Variants in HDAC11 observed in about 807,000 individuals in gnomAD.
The protein encoded by HDAC11 is histone deacetylase 11.
In HDAC11, 23 loss-of-function variants were observed where a neutral mutation model predicts 41.1. The ratio of observed to expected loss-of-function variants is 0.56; its 90% CI spans 0.40 to 0.79. The LOEUF (loss-of-function observed/expected upper bound fraction) is 0.79, where lower values mean the gene tolerates loss of function less well. Ranked by LOEUF, HDAC11 falls within the 30% of genes least tolerant of loss-of-function variation. The pLI, the probability that HDAC11 is intolerant of heterozygous loss-of-function variation, is 0.00. For synonymous variants in HDAC11, 187 were observed against 186.6 expected (o/e 1.00, Z -0.02); for missense variants, 402 against 477.3 (o/e 0.84, Z 1.47).
chr3:13,481,892 CTT>C (rs1165228756), intron 2 of HDAC11, among the ~76,000 whole-genome samples: 1 of 152,218 alleles, frequency 6.6e-6, no homozygotes, highest in African/African-American at 2.4e-5. Flanking sequence ...TAACCTCCGC[CTT>C]TCAGGTTCAA....
At chr3:13,497,166 G>GT (rs1702138966) in intron 4 of HDAC11, among the ~76,000 whole-genome samples, 1 of 151,488 alleles carries the variant, frequency 6.6e-6, no homozygotes, top group Non-Finnish European at 1.5e-5. Context: ...CCCCTCACCA[G>GT]TTTTTTCTTT....
Position 13,498,527 on chromosome 3 carries a change from T to C in HDAC11, c.384T>C (p.Ala128=), listed in dbSNP as rs1161377141. ...TGGTIMAGKL[A]VERGWAINVG... ...TGTCTCCAAAGGCGGGGAAGCTGGC[T>C]GTGGAGCGAGGCTGGGCCATCAACG... Residue 128 remains alanine, a synonymous_variant, in exon 5 of 10, where the codon GCT becomes GCC. Coordinates refer to ENST00000295757, the MANE Select transcript of HDAC11 (RefSeq NM_024827.4). 2.5e-6 allele frequency: 4 copies of C among 1,613,746 alleles called. No homozygotes were observed. In the East Asian group the frequency reaches 6.7e-5, roughly 27 times the overall value.
intron 3 of HDAC11, among the ~76,000 whole-genome samples, 168 bp downstream of exon 3, chr3:13,483,732 G>T (rs1056955588): frequency 6.6e-6 from 1 of 152,060 alleles, no homozygotes; most frequent in African/African-American, 2.4e-5. Context: ...CCAAGAGAAG[G>T]AGAGAGGTCA....
chr3:13,481,744 C>T (rs186730712), intron 2 of HDAC11, among the ~76,000 whole-genome samples: 5 of 152,238 alleles, frequency 3.3e-5, no homozygotes, highest in Admixed American at 1.3e-4. Context: ...GCACCTCCAC[C>T]GCACCTCTCT....
chr3:13,502,093 T>C lies in HDAC11; in HGVS notation c.552+160T>C, dbSNP rs1702394058. 1.6e-6 allele frequency: 1 copy of C among 626,866 alleles called. No homozygotes were observed. The highest frequency in any genetic ancestry group is 2.7e-5 in the East Asian group (1 of 36,394). 38.8% of individuals were successfully genotyped at this position (626,866 alleles called of 1,614,324 possible). ...AATGCAGGGTCTGTCTTTGTCACTC[T>C]GTCCAGGACAGCGGGTCCTCCTCAT... On this transcript the variant is annotated intron_variant, in intron 7 of 9. Coordinates refer to ENST00000295757, the MANE Select transcript of HDAC11 (RefSeq NM_024827.4). The surrounding 1 kb of genome is among the most constrained non-coding windows in gnomAD (Gnocchi z 4.1).
At chr3:13,483,046 T>C (rs1286927672) in intron 2 of HDAC11, among the ~76,000 whole-genome samples, 1 of 143,478 alleles carries the variant, frequency 7.0e-6, no homozygotes, top group Non-Finnish European at 1.5e-5. Flanking sequence ...CCACCACACC[T>C]GGCCAAGACC....
intron 7 of HDAC11, 36 bp downstream of exon 7, chr3:13,501,969 C>T (rs367687725): frequency 6.4e-7 from 1 of 1,571,118 alleles, no homozygotes; most frequent in Non-Finnish European, 8.8e-7. Flanking sequence ...CTTAGGGGAC[C>T]TGCCACCCCC....
chr3:13,490,744 C>CTTT (rs59531656), intron 3 of HDAC11, among the ~76,000 whole-genome samples: 8 of 41,404 alleles, frequency 1.9e-4, no homozygotes, highest in South Asian at 1.2e-3. Context: ...GCATTTTTTT[C>CTTT]TTTTTTTTTT....
At chr3:13,485,227 G>T (rs551455858) in intron 3 of HDAC11, among the ~76,000 whole-genome samples, 89 of 152,366 alleles carry the variant, frequency 5.8e-4, no homozygotes, top group Non-Finnish European at 1.0e-3. Flanking sequence ...ATTCTAGATA[G>T]GGCCACGACA....
At chr3:13,487,903 C>A (rs1002554818) in intron 3 of HDAC11, among the ~76,000 whole-genome samples, 1 of 151,650 alleles carries the variant, frequency 6.6e-6, no homozygotes, top group East Asian at 1.9e-4. Context: ...GAAGGGACAG[C>A]AGAAAAGGGG....
At chr3:13,481,109 T>A in intron 1 of HDAC11, 137 bp from the exon 2 acceptor site, 1 of 893,388 alleles carries the variant, frequency 1.1e-6, no homozygotes, top group Admixed American at 2.9e-5. Context: ...GCAGCTGTTG[T>A]TGAGGGGCCC....
At chr3:13,488,537 T>A (rs1701701343) in intron 3 of HDAC11, among the ~76,000 whole-genome samples, 1 of 152,268 alleles carries the variant, frequency 6.6e-6, no homozygotes, top group Non-Finnish European at 1.5e-5. Context: ...CTTTTGTGTC[T>A]GGCTTATCTC....
chr3:13,496,894 C>T (rs780418093), intron 4 of HDAC11, 42 bp downstream of exon 4: 4 of 1,160,720 alleles, frequency 3.4e-6, no homozygotes, highest in Admixed American at 2.5e-5. Flanking sequence ...GGGGCCCCCA[C>T]ACCCCAGGGT....
chr3:13,483,934 T>C (rs1252252496), intron 3 of HDAC11, among the ~76,000 whole-genome samples: 1 of 151,986 alleles, frequency 6.6e-6, no homozygotes, highest in Non-Finnish European at 1.5e-5. Context: ...TTGGTCTATT[T>C]TGTTTGTTTG....
Position 13,496,868 on chromosome 3 carries a change from G to T in HDAC11, c.369+16G>T, listed in dbSNP as rs753794813. The T allele has an allele frequency of 7.1e-7, 1 of 1,412,962 alleles. No homozygotes were observed. Among genetic ancestry groups the T allele is most frequent in the South Asian group, 1.2e-5 (1 of 80,460 alleles). The allele number at this position is 1,412,962 out of a possible 1,614,324, so 87.5% of individuals were successfully genotyped here. On this transcript the variant is annotated intron_variant, in intron 4 of 9. Coordinates refer to ENST00000295757, the MANE Select transcript of HDAC11 (RefSeq NM_024827.4). ...AACCATAATGGTAGGTGGGGTGGGG[G>T]GGCATGGCTGGGCTGGGGGCCCCCA...
chr3:13,494,995 C>T (rs144201592), intron 3 of HDAC11, among the ~76,000 whole-genome samples: 2 of 152,220 alleles, frequency 1.3e-5, no homozygotes, highest in African/African-American at 4.8e-5. Context: ...TGCCTGCTGC[C>T]TGCTGTCTGT....
chr3:13,483,931 ATTTTG>A (rs1251392945), intron 3 of HDAC11, among the ~76,000 whole-genome samples: 1 of 150,470 alleles, frequency 6.6e-6, no homozygotes, highest in African/African-American at 2.4e-5. Flanking sequence ...ACTTTGGTCT[ATTTTG>A]TTTGTTTGTT....
At chr3:13,501,701 A>T (rs563983408) in intron 6 of HDAC11, 170 bp from the exon 7 acceptor site, 37 of 725,932 alleles carry the variant, frequency 5.1e-5, no homozygotes, top group Admixed American at 1.2e-4. Context: ...GGAGCCCCAC[A>T]GCTGGAGCTG....
At chr3:13,497,697 A>AC (rs1408798076) in intron 4 of HDAC11, among the ~76,000 whole-genome samples, 2 of 152,170 alleles carry the variant, frequency 1.3e-5, no homozygotes, top group Non-Finnish European at 2.9e-5. Flanking sequence ...TGAGGATCTA[A>AC]CCCAGCCCTG....
Sources: allele counts gnomAD v4.1 joint callset (sites outside exome capture counted in the v4.1 genomes callset), GRCh38; gene constraint gnomAD v4.1.1; non-coding constraint Gnocchi (gnomAD v3.1); transcripts MANE v1.5; gene names NCBI Gene and HGNC (gene_info 2026-07-23, HGNC 2026-07-21).